The following STK39 variants were observed in gnomAD, a reference collection of about 807,000 sequenced individuals.
STK39 encodes STE20/SPS1-related proline-alanine-rich protein kinase.
STK39 carries 20 observed loss-of-function variants against 77.8 expected under a neutral mutation model. The observed-to-expected ratio is 0.26, with a 90% CI of 0.18 to 0.37. The LOEUF is 0.37. Ranked by LOEUF, STK39 falls within the 10% of genes least tolerant of loss-of-function variation. The pLI, the probability that STK39 is intolerant of heterozygous loss-of-function variation, is 1.00. For synonymous variants in STK39, 246 were observed against 234.1 expected (o/e 1.05, Z -0.47); for missense variants, 479 against 656.5 (o/e 0.73, Z 2.95).
chr2:167,956,310 G>C (rs1197429213), intron 17 of STK39, among the ~76,000 whole-genome samples: 1 of 152,194 alleles, frequency 6.6e-6, no homozygotes, highest in East Asian at 1.9e-4. Context: ...TGTAATCCCA[G>C]CACTTTGGGG....
At chr2:168,134,131 C>T (rs940677029) in intron 8 of STK39, among the ~76,000 whole-genome samples, 1 of 152,114 alleles carries the variant, frequency 6.6e-6, no homozygotes, top group African/African-American at 2.4e-5. Flanking sequence ...AATGTAAGTA[C>T]AAACAGTTTT....
intron 17 of STK39, among the ~76,000 whole-genome samples, chr2:167,957,003 T>G (rs1229933657): frequency 6.6e-6 from 1 of 151,506 alleles, no homozygotes; most frequent in East Asian, 1.9e-4. Flanking sequence ...ATTTAGAATA[T>G]GTACTATACT....
chr2:167,956,690 ACACACACTCTCTCTCTCT>A (rs1691781797), intron 17 of STK39, among the ~76,000 whole-genome samples: 3 of 45,912 alleles, frequency 6.5e-5, no homozygotes, highest in Non-Finnish European at 1.4e-4. Flanking sequence ...ACACACACAC[ACACACACTCTCTCTCTCT>A]CTCTCTCTCT....
At chr2:168,162,296 A>T (rs1055705087) in intron 4 of STK39, among the ~76,000 whole-genome samples, 60 of 151,454 alleles carry the variant, frequency 4.0e-4, no homozygotes, top group African/African-American at 1.3e-3. Context: ...CAAAAAAAAA[A>T]AAAAAAAAAA....
intron 16 of STK39, among the ~76,000 whole-genome samples, chr2:167,974,616 A>G (rs902769546): frequency 1.3e-5 from 2 of 152,154 alleles, no homozygotes; most frequent in Non-Finnish European, 2.9e-5. Flanking sequence ...TTATGTTGTT[A>G]TTGCAGACCA....
intron 1 of STK39, among the ~76,000 whole-genome samples, chr2:168,205,651 T>C (rs2105684641): frequency 6.6e-6 from 1 of 151,948 alleles, no homozygotes; most frequent in Admixed American, 6.6e-5. Context: ...ACCTCAACTC[T>C]ACAAAAAATA....
intron 8 of STK39, among the ~76,000 whole-genome samples, chr2:168,130,427 G>T (rs1687650203): frequency 6.6e-6 from 1 of 152,148 alleles, no homozygotes; most frequent in Admixed American, 6.6e-5. Context: ...ATTTAATTAA[G>T]CATTTGGGGC....
At chr2:167,966,240 T>G (rs951978468) in intron 16 of STK39, among the ~76,000 whole-genome samples, 6 of 152,182 alleles carry the variant, frequency 3.9e-5, no homozygotes, top group African/African-American at 2.4e-5. Context: ...GAACATATTT[T>G]AGACACTAAA....
chr2:168,042,356 T>C (rs1477963806), intron 14 of STK39, among the ~76,000 whole-genome samples: 2 of 152,162 alleles, frequency 1.3e-5, no homozygotes, highest in South Asian at 2.1e-4. Flanking sequence ...TCTGTCCATC[T>C]CTCTACGGAA....
intron 10 of STK39, among the ~76,000 whole-genome samples, chr2:168,121,864 T>C (rs1687414482): frequency 6.6e-6 from 1 of 152,200 alleles, no homozygotes; most frequent in African/African-American, 2.4e-5. Context: ...GTAAGTATTG[T>C]CAGCTCTGCC....
At chr2:168,150,693 C>T (rs112995211) in intron 5 of STK39, among the ~76,000 whole-genome samples, 2,765 of 151,620 alleles carry the variant, frequency 0.018, 58 homozygotes, top group African/African-American at 0.049. Context: ...AAAGCAATGG[C>T]AATAACCACA....
In STK39 at chr2:168,140,307, G is replaced by C; in HGVS notation, c.822C>G (p.His274Gln). The C allele has an allele frequency of 6.2e-7, 1 of 1,613,824 alleles. No homozygotes were observed. The highest frequency in any genetic ancestry group is 2.2e-5 in the East Asian group (1 of 44,844). Residue 274 changes from histidine to glutamine, a missense_variant, in exon 7 of 18, where the codon CAC becomes CAG. His to Gln is a conservative substitution (Grantham distance 24). Transcript: ENST00000355999. ...TAATTACTTTCATGGGAGGATATTT[G>C]TGATAAGGCGCTGCTCCTGTTGCTA... The part of the protein sequence containing the change: ...IELATGAAPY[H>Q]KYPPMKVLML...
intron 16 of STK39, among the ~76,000 whole-genome samples, chr2:167,980,492 G>A (rs1207696693): frequency 2.0e-5 from 3 of 152,210 alleles, no homozygotes; most frequent in Non-Finnish European, 4.4e-5. Flanking sequence ...TAAAATTAAT[G>A]AGATAGTAAA....
intron 14 of STK39, among the ~76,000 whole-genome samples, chr2:168,020,639 T>G (rs1684547400): frequency 2.0e-5 from 3 of 150,404 alleles, no homozygotes; most frequent in Admixed American, 1.3e-4. Flanking sequence ...TATATATAAT[T>G]AAATGAGATT....
intron 16 of STK39, among the ~76,000 whole-genome samples, chr2:168,006,115 A>T (rs969445704): frequency 1.3e-5 from 2 of 152,234 alleles, no homozygotes; most frequent in Non-Finnish European, 1.5e-5. Context: ...AAGCTAGGGA[A>T]GGGTGGTATA....
chr2:168,109,051 T>C (rs1483498325), intron 10 of STK39, among the ~76,000 whole-genome samples: 1 of 152,210 alleles, frequency 6.6e-6, no homozygotes, highest in Non-Finnish European at 1.5e-5. Context: ...TTGCCCTTTG[T>C]TGAACCTCTA....
chr2:167,987,721 A>T (rs1456525708), intron 16 of STK39, among the ~76,000 whole-genome samples: 3 of 152,132 alleles, frequency 2.0e-5, no homozygotes, highest in African/African-American at 4.8e-5. Context: ...GAAACCTCCA[A>T]ATAACCCCCA....
intron 3 of STK39, among the ~76,000 whole-genome samples, chr2:168,165,958 G>A (rs1688685631): frequency 1.3e-5 from 2 of 152,210 alleles, no homozygotes; most frequent in South Asian, 4.1e-4. Flanking sequence ...TCAAGCCCTC[G>A]AAAGAGAACA....
intron 14 of STK39, among the ~76,000 whole-genome samples, chr2:168,058,981 C>T (rs570563203): frequency 2.6e-5 from 4 of 152,362 alleles, no homozygotes; most frequent in South Asian, 4.1e-4. Context: ...CACAGCCCTA[C>T]GTGATTTGGC....
Sources: gnomAD v4.1 joint callset for allele counts (sites outside exome capture counted in the v4.1 genomes callset) on GRCh38, gnomAD v4.1.1 for gene constraint, MANE v1.5 for transcripts, NCBI Gene and HGNC (gene_info 2026-07-23, HGNC 2026-07-21) for gene names.